The following USP7 variants were observed in gnomAD, a reference collection of about 807,000 sequenced individuals.
USP7 encodes the protein ubiquitin specific peptidase 7.
A neutral mutation model predicts 162.9 loss-of-function variants in USP7; 9 were observed. The ratio of observed to expected loss-of-function variants is 0.06; its 90% CI spans 0.03 to 0.10. The LOEUF (loss-of-function observed/expected upper bound fraction) is 0.10, where lower values mean the gene tolerates loss of function less well. USP7 is among the 10% of genes least tolerant of loss of function. The pLI is 1.00. For missense variants in USP7, 715 were observed against 1,373.7 expected (o/e 0.52, Z 7.58); for synonymous variants, 562 against 475.9 (o/e 1.18, Z -2.35).
chr16:8,905,703 T>TCAA (rs1166571248), intron 13 of USP7, among the ~76,000 whole-genome samples: 1 of 152,218 alleles, frequency 6.6e-6, no homozygotes, highest in Non-Finnish European at 1.5e-5. Context: ...AAACGAGAGT[T>TCAA]CAAATTTTAT....
Position 8,960,457 on chromosome 16 carries a change from G to C in USP7, c.79+2750C>G, listed in dbSNP as rs545189420. ...GCAACCCCAAGAATGTGAGGCCGGA[G>C]AGCAAACTCACACTGACCTATTGAT... On this transcript the variant is annotated intron_variant, in intron 1 of 30. Transcript: ENST00000344836. Among the ~76,000 whole-genome samples, 87 of 152,338 alleles carry C rather than the reference G, an allele frequency of 5.7e-4. 1 individual carries two copies. The highest frequency in any genetic ancestry group is 1.1e-3 in the Non-Finnish European group (75 of 68,040).
chr16:8,935,013 G>A (rs554211107), intron 1 of USP7, among the ~76,000 whole-genome samples: 1 of 152,212 alleles, frequency 6.6e-6, no homozygotes, highest in Non-Finnish European at 1.5e-5. Flanking sequence ...ATCTGTACTA[G>A]ACTTCTAGAA....
chr16:8,953,482 G>A (rs1468322817), intron 1 of USP7, among the ~76,000 whole-genome samples: 3 of 152,144 alleles, frequency 2.0e-5, no homozygotes, highest in East Asian at 3.9e-4. Context: ...AGTAAGAAAC[G>A]GGGGTTGGGG....
intron 26 of USP7, among the ~76,000 whole-genome samples, chr16:8,896,305 A>G (rs1402739144): frequency 6.6e-6 from 1 of 152,300 alleles, no homozygotes; most frequent in Admixed American, 6.5e-5. Flanking sequence ...GGCCTCCGAA[A>G]GTTGCATAAA....
intron 10 of USP7, among the ~76,000 whole-genome samples, chr16:8,912,442 T>A (rs1216087555): frequency 7.5e-6 from 1 of 133,648 alleles, no homozygotes; most frequent in Non-Finnish European, 1.6e-5. Context: ...AGAGTGAGAC[T>A]CCATGTCAAA....
intron 1 of USP7, chr16:8,936,787 T>G: frequency 7.7e-7 from 1 of 1,293,198 alleles, no homozygotes; most frequent in Non-Finnish European, 9.9e-7. Context: ...AACCTCAATT[T>G]AGATAAGGCA....
At chr16:8,918,968 T>C in intron 6 of USP7, 63 bp downstream of exon 6, 1 of 1,553,094 alleles carries the variant, frequency 6.4e-7, no homozygotes, top group Non-Finnish European at 8.9e-7. Flanking sequence ...AGGACTTTGC[T>C]CTGATATACC....
At chr16:8,899,841 C>G in intron 21 of USP7, 84 bp from the exon 22 acceptor site, 1 of 1,462,726 alleles carries the variant, frequency 6.8e-7, no homozygotes, top group Non-Finnish European at 9.6e-7. Context: ...TTTTACACAA[C>G]AGTGACACCA....
intron 28 of USP7, 51 bp from the exon 29 acceptor site, chr16:8,894,906 G>C: frequency 1.2e-6 from 2 of 1,613,928 alleles, no homozygotes; most frequent in Middle Eastern, 3.3e-4. Flanking sequence ...GCACCCCCAG[G>C]CCACGTCACG....
chr16:8,894,599 T>G lies in USP7; in HGVS notation c.3153A>C (p.Ile1051=). 1.2e-6 allele frequency: 2 copies of G among 1,613,990 alleles called. No homozygotes were observed. The highest frequency in any genetic ancestry group is 3.4e-4 in the Middle Eastern group (2 of 5,946). The part of the protein sequence containing the change: ...AIVMMGRHQY[I]NEDEYEVNLK... ...AATTTACTTCATACTCGTCTTCATT[T>G]ATGTACTGGTGTCGGCCCATCATTA... The change falls in exon 30 of 31, where the codon ATA becomes ATC. Residue 1051 remains isoleucine, a synonymous_variant. Coordinates refer to ENST00000344836, the MANE Select transcript of USP7 (RefSeq NM_003470.3).
At chr16:8,953,326 C>T (rs971918593) in intron 1 of USP7, among the ~76,000 whole-genome samples, 1 of 152,134 alleles carries the variant, frequency 6.6e-6, no homozygotes, top group African/African-American at 2.4e-5. Context: ...GAGACCATAA[C>T]CCAGCAGCCA....
chr16:8,963,332 G>T lies in USP7; in HGVS notation c.-47C>A. 3 of 810,454 alleles carry T rather than the reference G, an allele frequency of 3.7e-6. No homozygotes were observed. The highest frequency in any genetic ancestry group is 4.5e-6 in the Non-Finnish European group (3 of 666,444). The allele number at this position is 810,454 out of a possible 1,614,324, so 50.2% of individuals were successfully genotyped here. A position where few individuals can be genotyped will look rare whatever the true frequency, so the allele number is the denominator to read the frequency against. On this transcript the variant is annotated 5_prime_UTR_variant, in exon 1 of 31. Coordinates refer to ENST00000344836, the MANE Select transcript of USP7 (RefSeq NM_003470.3). Reference sequence around the variant, plus strand: ...GCCTGCGGCCGGGGGCCGGGGCTGCGAGCCCGGCGGGCGGGCGGCGGCGAG... The same window carrying T: ...GCCTGCGGCCGGGGGCCGGGGCTGCTAGCCCGGCGGGCGGGCGGCGGCGAG...
At chr16:8,928,784 C>T (rs577136492) in intron 2 of USP7, among the ~76,000 whole-genome samples, 14 of 152,276 alleles carry the variant, frequency 9.2e-5, no homozygotes, top group East Asian at 3.9e-4. Flanking sequence ...GGTCCTATGG[C>T]GTGGCACCAC....
At chr16:8,907,980 C>A (rs2061886823) in intron 12 of USP7, among the ~76,000 whole-genome samples, 1 of 152,168 alleles carries the variant, frequency 6.6e-6, no homozygotes. Context: ...CACTAAAAGT[C>A]CCCTCTGAAA....
chr16:8,926,408 G>A (rs779896241), intron 2 of USP7, among the ~76,000 whole-genome samples: 1 of 152,146 alleles, frequency 6.6e-6, no homozygotes, highest in Non-Finnish European at 1.5e-5. Context: ...GAACCTGGGA[G>A]GTGGAGGTTG....
chr16:8,915,123 G>A (rs970241770), intron 10 of USP7, 131 bp downstream of exon 10: 2 of 843,168 alleles, frequency 2.4e-6, no homozygotes, highest in Admixed American at 3.1e-5. Flanking sequence ...CACCCAGTGA[G>A]CTGTTTGCTT....
rs976747153 is a variant in USP7 at position 8,903,497 on chromosome 16, A to AT, written c.1705-96dup. On this transcript the variant is annotated intron_variant, in intron 15 of 30. Transcript: ENST00000344836. ...TTAAACACTAAAACGCTGAAAACTC[A>AT]TTTTTTGTTCCAAAGAAACTTCTTC... The AT allele has an allele frequency of 1.0e-5, 14 of 1,384,850 alleles. No individual in the cohort carries two copies. In the Admixed American group the frequency reaches 2.9e-4, roughly 29 times the overall value. The allele number at this position is 1,384,850 out of a possible 1,614,324, so 85.8% of individuals were successfully genotyped here. A position where few individuals can be genotyped will look rare whatever the true frequency, so the allele number is the denominator to read the frequency against.
intron 11 of USP7, among the ~76,000 whole-genome samples, chr16:8,909,713 G>C (rs2061914703): frequency 1.3e-5 from 2 of 152,186 alleles, no homozygotes; most frequent in African/African-American, 4.8e-5. Context: ...GGATCACAAG[G>C]TCAGGGGTTT....
rs1021857066 is a variant in USP7, at chr16:8,894,053, G to A, written c.3254C>T (p.Ala1085Val). 2.5e-6 allele frequency: 4 copies of A among 1,614,066 alleles called. No individual in the cohort carries two copies. The highest frequency in any genetic ancestry group is 3.4e-6 in the Non-Finnish European group (4 of 1,180,048). The change falls in exon 31 of 31, where the codon GCC (alanine) becomes GTC (valine). Residue 1085 changes from alanine to valine, a missense_variant. Ala to Val is a moderately conservative substitution (Grantham distance 64). Around this residue, in one of 11 missense-constraint regions of USP7, gnomAD observed 222 missense variants for 441.7 expected, o/e 0.50. Coordinates refer to ENST00000344836, the MANE Select transcript of USP7 (RefSeq NM_003470.3). ...PWLGLDHFNK[A>V]PKRSRYTYLE... ...GTAAGTGTAGCGACTCCTCTTTGGGGCTTTGTTGAAGTGGTCGAGCCCTAG... is the reference window on the plus strand; with the variant it reads ...GTAAGTGTAGCGACTCCTCTTTGGGACTTTGTTGAAGTGGTCGAGCCCTAG...
Sources: allele counts gnomAD v4.1 joint callset (sites outside exome capture counted in the v4.1 genomes callset), GRCh38; gene constraint gnomAD v4.1.1; regional missense constraint gnomAD v4.1.1; transcripts MANE v1.5; gene names NCBI Gene and HGNC (gene_info 2026-07-23, HGNC 2026-07-21).